GMPS: variants seen among roughly 807,000 people sequenced by gnomAD.
GMPS encodes guanosine monophosphate synthase.
A neutral mutation model predicts 77.9 loss-of-function variants in GMPS; 15 were observed. The observed-to-expected ratio is 0.19, with a 90% confidence interval of 0.13 to 0.30. The LOEUF (loss-of-function observed/expected upper bound fraction) is 0.30, where lower values mean the gene tolerates loss of function less well. Among genes scored for constraint, GMPS ranks in the 10% least tolerant of loss-of-function variants. The pLI, the probability that GMPS is intolerant of heterozygous loss-of-function variation, is 1.00. For missense variants in GMPS, 590 were observed against 838.8 expected, an observed-to-expected ratio of 0.70 and a Z score of 3.66; for synonymous variants, 224 against 275.9, an observed-to-expected ratio of 0.81 and a Z score of 1.86.
chr3:155,891,945 A>T (rs1237691466), intron 1 of GMPS, among the ~76,000 whole-genome samples: 7 of 152,226 alleles, frequency 4.6e-5, no homozygotes, highest in Admixed American at 3.9e-4. Context: ...GTGGTGTTGT[A>T]GGTTAGGCCT....
At chr3:155,893,014 C>CA (rs369803148) in intron 1 of GMPS, among the ~76,000 whole-genome samples, 33 of 152,340 alleles carry the variant, frequency 2.2e-4, no homozygotes, top group African/African-American at 7.9e-4. Flanking sequence ...AAAATCCTAA[C>CA]AGTGAATTTG....
At chr3:155,928,611 G>C (rs1230028821) in intron 12 of GMPS, among the ~76,000 whole-genome samples, 5 of 150,038 alleles carry the variant, frequency 3.3e-5, no homozygotes, top group African/African-American at 1.2e-4. Context: ...ATGTATACAT[G>C]TGCCATGCTG....
chr3:155,912,372 G>A (rs1222342554), intron 7 of GMPS, among the ~76,000 whole-genome samples: 4 of 152,166 alleles, frequency 2.6e-5, no homozygotes, highest in African/African-American at 9.7e-5. Flanking sequence ...TTTAAGCTAG[G>A]GGGGTCTCTC....
chr3:155,888,373 G>T, intron 1 of GMPS, among the ~76,000 whole-genome samples: 1 of 151,980 alleles, frequency 6.6e-6, no homozygotes, highest in East Asian at 1.9e-4. Flanking sequence ...TTGAGCTGAG[G>T]ATGTCTTTCT....
chr3:155,870,709 G>T lies in GMPS; in HGVS notation c.-162G>T. On this transcript the variant is annotated 5_prime_UTR_variant, in exon 1 of 16. Transcript: ENST00000496455. ...CTGGGGCCCGCGCTCCGCTGCTGTT[G>T]CTCCATTCGGCGCTTTTCTGGCGGC... 1 of 551,690 alleles carries T rather than the reference G, an allele frequency of 1.8e-6. No homozygotes were observed. Among genetic ancestry groups the T allele is most frequent in the Admixed American group, 3.4e-5 (1 of 29,252 alleles). The allele number at this position is 551,690 out of a possible 1,614,324, so 34.2% of individuals were successfully genotyped here.
At chr3:155,927,667 C>A (rs1220836968) in intron 12 of GMPS, among the ~76,000 whole-genome samples, 1 of 151,870 alleles carries the variant, frequency 6.6e-6, no homozygotes, top group African/African-American at 2.4e-5. Flanking sequence ...CAAAGTAAAC[C>A]GTATTTGTAA....
At chr3:155,932,385 GA>G (rs566932908) in intron 13 of GMPS, among the ~76,000 whole-genome samples, 125 of 150,502 alleles carry the variant, frequency 8.3e-4, no homozygotes, top group Non-Finnish European at 1.3e-3. Flanking sequence ...TAACCCCAAG[GA>G]AAAAAATCAA....
intron 3 of GMPS, among the ~76,000 whole-genome samples, chr3:155,901,493 C>T (rs765264824): frequency 2.6e-5 from 4 of 152,146 alleles, no homozygotes; most frequent in Non-Finnish European, 4.4e-5. Flanking sequence ...TATACATACA[C>T]AAAATTTTCT....
intron 5 of GMPS, 134 bp from the exon 6 acceptor site, chr3:155,910,558 G>T (rs1479675410): frequency 8.7e-6 from 4 of 459,102 alleles, no homozygotes; most frequent in African/African-American, 7.7e-5. Flanking sequence ...GACAGAGCAA[G>T]ACTCTGTCTC....
intron 1 of GMPS, among the ~76,000 whole-genome samples, chr3:155,886,716 C>T (rs1016252490): frequency 2.8e-5 from 4 of 143,670 alleles, no homozygotes; most frequent in Admixed American, 7.1e-5. Flanking sequence ...TCATGTTAGC[C>T]AGGTTGGTCT....
chr3:155,925,398 T>C (rs75611544), intron 12 of GMPS, 32 bp downstream of exon 12: 89,484 of 1,511,678 alleles, frequency 0.059, 3,611 homozygotes, highest in East Asian at 0.17. Flanking sequence ...ACCAGTGATA[T>C]ACTTTTTTTT....
chr3:155,884,560 C>T lies in GMPS; in HGVS notation c.28-8958C>T, dbSNP rs1048124829. ...AAGACAAGTCTTAGGATAATTGAAA[C>T]TCGAGGGGAAAATTGGCGTTGTTTT... On this transcript the variant is annotated intron_variant, in intron 1 of 15. Coordinates refer to ENST00000496455, the MANE Select transcript of GMPS (RefSeq NM_003875.3). Among the ~76,000 whole-genome samples the T allele has an allele frequency of 6.6e-5, 10 of 152,202 alleles. No individual in the cohort carries two copies. The East Asian group carries it at 1.7e-3, about 26-fold the overall frequency.
rs1456397067 is a variant in GMPS at position 155,878,010 on chromosome 3, G to T, written c.27+7113G>T. On this transcript the variant is annotated intron_variant, in intron 1 of 15. Coordinates refer to ENST00000496455, the MANE Select transcript of GMPS (RefSeq NM_003875.3). ...GCTGGTCATGAGCTCCTGACCTCAG[G>T]TGATCCGCCTGCCTTGGCCTCCCAA... 2.6e-5 allele frequency among the ~76,000 whole-genome samples: 4 copies of T among 152,080 alleles called. No homozygotes were observed. The East Asian group carries it at 7.7e-4, about 29-fold the overall frequency.
intron 1 of GMPS, among the ~76,000 whole-genome samples, chr3:155,871,289 C>T (rs929098364): frequency 6.6e-6 from 1 of 152,056 alleles, no homozygotes; most frequent in Admixed American, 6.5e-5. Context: ...CCCACCCCGT[C>T]CCTCTGGGAG....
chr3:155,894,270 C>T (rs182445105), intron 2 of GMPS, among the ~76,000 whole-genome samples: 4 of 152,300 alleles, frequency 2.6e-5, no homozygotes, highest in African/African-American at 9.6e-5. Flanking sequence ...GTTACCCAGG[C>T]TGAAGTGCAG....
At chr3:155,900,604 T>C (rs933552208) in intron 3 of GMPS, among the ~76,000 whole-genome samples, 46 of 152,264 alleles carry the variant, frequency 3.0e-4, no homozygotes, top group African/African-American at 1.0e-3. Context: ...AGATAATGGC[T>C]TAGTGTTTCC....
intron 9 of GMPS, among the ~76,000 whole-genome samples, chr3:155,917,216 G>T (rs1280241160): frequency 6.6e-6 from 1 of 151,872 alleles, no homozygotes; most frequent in Admixed American, 6.6e-5. Context: ...CAGGTGATCC[G>T]CCTGCCTCTG....
intron 2 of GMPS, among the ~76,000 whole-genome samples, chr3:155,894,996 C>T (rs1754566336): frequency 6.6e-6 from 1 of 152,292 alleles, no homozygotes; most frequent in South Asian, 2.1e-4. Flanking sequence ...TCTGTCAAAT[C>T]AGAGCTCCAT....
intron 1 of GMPS, among the ~76,000 whole-genome samples, chr3:155,885,945 G>T (rs1049322196): frequency 1.3e-5 from 2 of 151,948 alleles, no homozygotes; most frequent in African/African-American, 4.8e-5. Flanking sequence ...CTCAGCCTCC[G>T]GTGTAGCTGG....
Sources: gnomAD v4.1 joint callset for allele counts (sites outside exome capture counted in the v4.1 genomes callset) on GRCh38, gnomAD v4.1.1 for gene constraint, MANE v1.5 for transcripts, NCBI Gene and HGNC (gene_info 2026-07-23, HGNC 2026-07-21) for gene names.